The following FER variants were observed in gnomAD, a reference collection of about 807,000 sequenced individuals.
FER encodes the protein FER tyrosine kinase, also known as tyrosine-protein kinase Fer.
FER carries 63 observed loss-of-function variants against 111.0 expected under a neutral mutation model. The ratio of observed to expected loss-of-function variants is 0.57; its 90% confidence interval spans 0.46 to 0.70. The LOEUF is 0.70. Ranked by LOEUF, FER falls within the 30% of genes least tolerant of loss-of-function variation. The pLI is 0.00. For missense variants in FER, 914 were observed against 954.0 expected (o/e 0.96, Z 0.55); for synonymous variants, 327 against 313.9 (o/e 1.04, Z -0.44).
At chr5:109,157,441 C>T (rs1755522417) in intron 17 of FER, among the ~76,000 whole-genome samples, 1 of 151,932 alleles carries the variant, frequency 6.6e-6, no homozygotes, top group Non-Finnish European at 1.5e-5. Context: ...AAACCATTGT[C>T]TTCTTGTTGG....
At chr5:108,885,030 C>G (rs533640753) in intron 9 of FER, among the ~76,000 whole-genome samples, 2 of 151,954 alleles carry the variant, frequency 1.3e-5, no homozygotes, top group African/African-American at 2.4e-5. Context: ...CATTCTCTTC[C>G]GCTCAGCCAA....
In FER at chr5:108,959,258, A is replaced by G. The variant is rs200527034; in HGVS notation, c.1567A>G (p.Asn523Asp). The change falls in exon 13 of 20, where the codon AAC becomes GAC. Residue 523 changes from asparagine (N) to aspartate (D), a missense_variant. Asn to Asp is a conservative substitution (Grantham distance 23). Transcript: ENST00000281092. ...TCGATTCGAGGGCACTGGGTTTTCA[A>G]ACATTCCTCAACTTATAGATCATCA... ...MYRFEGTGFS[N>D]IPQLIDHHYT... The G allele has an allele frequency of 6.2e-7, 1 of 1,611,790 alleles. No homozygotes were observed. The highest frequency in any genetic ancestry group is 1.7e-5 in the Admixed American group (1 of 59,832).
intron 10 of FER, among the ~76,000 whole-genome samples, chr5:108,923,086 A>G (rs1753250095): frequency 1.3e-5 from 2 of 152,142 alleles, no homozygotes. Context: ...ACTATTTCAT[A>G]GGGTTAATGT....
intron 10 of FER, among the ~76,000 whole-genome samples, chr5:108,926,146 C>G: frequency 6.7e-6 from 1 of 150,328 alleles, no homozygotes; most frequent in African/African-American, 2.4e-5. Flanking sequence ...GTTCTTAATT[C>G]TCTTAAATTT....
chr5:108,786,732 C>A (rs1055358189), intron 2 of FER, among the ~76,000 whole-genome samples: 1 of 152,120 alleles, frequency 6.6e-6, no homozygotes, highest in East Asian at 1.9e-4. Flanking sequence ...GATCTCCTAA[C>A]CTCGTGATCC....
chr5:108,903,501 C>T (rs1008741261), intron 10 of FER, among the ~76,000 whole-genome samples: 3 of 152,130 alleles, frequency 2.0e-5, no homozygotes, highest in Non-Finnish European at 2.9e-5. Flanking sequence ...CCTGTCTCTA[C>T]TAAAAATACA....
At chr5:108,759,655 C>G (rs1430519666) in intron 1 of FER, among the ~76,000 whole-genome samples, 2 of 152,176 alleles carry the variant, frequency 1.3e-5, no homozygotes, top group African/African-American at 4.8e-5. Context: ...CTTGCTGTGT[C>G]CTCACATGGC....
intron 13 of FER, among the ~76,000 whole-genome samples, chr5:108,985,098 A>G (rs1335162712): frequency 6.6e-6 from 1 of 152,158 alleles, no homozygotes; most frequent in Non-Finnish European, 1.5e-5. Flanking sequence ...AATAACTCAT[A>G]AAAATAGGGA....
chr5:109,036,958 C>T (rs1241692058), intron 13 of FER, among the ~76,000 whole-genome samples: 1 of 151,960 alleles, frequency 6.6e-6, no homozygotes, highest in Non-Finnish European at 1.5e-5. Context: ...TCATAGACAG[C>T]TATAACTCAT....
chr5:109,038,091 C>T (rs1034865714), intron 14 of FER, among the ~76,000 whole-genome samples: 2 of 151,574 alleles, frequency 1.3e-5, no homozygotes, highest in African/African-American at 4.8e-5. Flanking sequence ...ACTCATAGGC[C>T]GTAGTCAAGT....
chr5:109,145,900 C>G (rs1027715755), intron 17 of FER, among the ~76,000 whole-genome samples: 5 of 150,914 alleles, frequency 3.3e-5, no homozygotes, highest in Non-Finnish European at 7.4e-5. Flanking sequence ...ATATATCTTA[C>G]AATTTATAAG....
At chr5:109,137,793 AG>A (rs1289847086) in intron 17 of FER, among the ~76,000 whole-genome samples, 1 of 152,194 alleles carries the variant, frequency 6.6e-6, no homozygotes, top group Non-Finnish European at 1.5e-5. Context: ...GGAGCAATAA[AG>A]GACATCAAAA....
At chr5:109,014,461 A>C (rs570180631) in intron 13 of FER, among the ~76,000 whole-genome samples, 168 of 152,232 alleles carry the variant, frequency 1.1e-3, no homozygotes, top group African/African-American at 3.9e-3. Flanking sequence ...TGGTACCAGC[A>C]CCATGCTGTT....
At chr5:108,810,727 C>A (rs1209061289) in intron 3 of FER, among the ~76,000 whole-genome samples, 2 of 151,804 alleles carry the variant, frequency 1.3e-5, no homozygotes, top group Non-Finnish European at 2.9e-5. Context: ...TGGTGTTGAG[C>A]AGAGAGGGCC....
chr5:109,117,763 T>A (rs1054629972), intron 17 of FER, among the ~76,000 whole-genome samples: 5 of 151,416 alleles, frequency 3.3e-5, no homozygotes, highest in African/African-American at 1.2e-4. Context: ...TTATTCTCTT[T>A]GAAGCAATTG....
At chr5:109,140,556 A>T in intron 17 of FER, among the ~76,000 whole-genome samples, 1 of 152,334 alleles carries the variant, frequency 6.6e-6, no homozygotes, top group Middle Eastern at 3.4e-3. Context: ...GCTATTAATG[A>T]CTTTTAAGGA....
chr5:108,928,691 G>A (rs186970329), intron 10 of FER, among the ~76,000 whole-genome samples: 332 of 151,864 alleles, frequency 2.2e-3, no homozygotes, highest in African/African-American at 7.5e-3. Context: ...CATCTCCCTT[G>A]AAAGCATATA....
At chr5:108,978,935 C>A (rs1488429511) in intron 13 of FER, among the ~76,000 whole-genome samples, 1 of 152,076 alleles carries the variant, frequency 6.6e-6, no homozygotes, top group East Asian at 1.9e-4. Flanking sequence ...GGATTACAAA[C>A]TTGGAAGTGT....
chr5:108,923,803 C>G (rs1753356239), intron 10 of FER, among the ~76,000 whole-genome samples: 1 of 151,972 alleles, frequency 6.6e-6, no homozygotes, highest in Admixed American at 6.6e-5. Flanking sequence ...CCTTAGAGAT[C>G]ATTTACACAT....
Sources: allele counts gnomAD v4.1 joint callset (sites outside exome capture counted in the v4.1 genomes callset), GRCh38; gene constraint gnomAD v4.1.1; transcripts MANE v1.5; gene names NCBI Gene and HGNC (gene_info 2026-07-23, HGNC 2026-07-21).